The following SLC35F2 variants were observed in gnomAD, a reference collection of about 807,000 sequenced individuals.
The protein encoded by SLC35F2 is solute carrier family 35 member F2.
A neutral mutation model predicts 38.1 loss-of-function variants in SLC35F2; 25 were observed. The observed-to-expected ratio is 0.66, with a 90% CI of 0.48 to 0.92. SLC35F2 has a LOEUF of 0.92. SLC35F2 is among the 40% of genes least tolerant of loss of function. SLC35F2 has a pLI of 0.00. For missense variants in SLC35F2, 409 were observed against 452.9 expected, an observed-to-expected ratio of 0.90 and a Z score of 0.88; for synonymous variants, 173 against 181.7, an observed-to-expected ratio of 0.95 and a Z score of 0.38.
At chr11:107,801,126 C>A (rs147109855) in intron 7 of SLC35F2, among the ~76,000 whole-genome samples, 5 of 152,080 alleles carry the variant, frequency 3.3e-5, no homozygotes. Flanking sequence ...TGGCTGGTCT[C>A]GAACCCTTGA....
intron 7 of SLC35F2, among the ~76,000 whole-genome samples, chr11:107,794,489 A>G (rs577669868): frequency 6.6e-6 from 1 of 152,336 alleles, no homozygotes; most frequent in African/African-American, 2.4e-5. Flanking sequence ...ACTAATGTGT[A>G]ATCAAATACC....
At chr11:107,815,466 T>G (rs144761877) in intron 2 of SLC35F2, among the ~76,000 whole-genome samples, 6,425 of 150,648 alleles carry the variant, frequency 0.043, 226 homozygotes, top group African/African-American at 0.096. Flanking sequence ...GCTGAGGTAA[T>G]TGGATCACTT....
intron 4 of SLC35F2, chr11:107,805,790 C>T: frequency 5.0e-6 from 2 of 397,122 alleles, no homozygotes; most frequent in Non-Finnish European, 6.8e-6. Flanking sequence ...GATTCTCCTG[C>T]CTCAGCCTCC....
chr11:107,834,320 A>G (rs1306799495), intron 1 of SLC35F2, among the ~76,000 whole-genome samples: 1 of 152,220 alleles, frequency 6.6e-6, no homozygotes, highest in East Asian at 1.9e-4. Context: ...ATTACAAAAT[A>G]AATTCCAAAT....
At chr11:107,806,953 G>T in intron 3 of SLC35F2, 77 bp from the exon 4 acceptor site, 1 of 1,345,748 alleles carries the variant, frequency 7.4e-7, no homozygotes, top group Non-Finnish European at 1.0e-6. Flanking sequence ...AATAATAGGA[G>T]TCAGTATTTA....
chr11:107,853,221 C>CTA (rs895706659), intron 1 of SLC35F2, among the ~76,000 whole-genome samples: 26 of 152,296 alleles, frequency 1.7e-4, no homozygotes, highest in Non-Finnish European at 2.4e-4. Flanking sequence ...CTCCCTAACC[C>CTA]TATCTCACCC....
intron 1 of SLC35F2, among the ~76,000 whole-genome samples, chr11:107,821,080 A>G (rs1022014295): frequency 7.9e-5 from 12 of 152,100 alleles, no homozygotes; most frequent in African/African-American, 2.9e-4. Flanking sequence ...ATCATGGGGG[A>G]GTTGGATGTC....
intron 1 of SLC35F2, among the ~76,000 whole-genome samples, chr11:107,854,573 C>T (rs1860248350): frequency 6.6e-6 from 1 of 152,160 alleles, no homozygotes; most frequent in South Asian, 2.1e-4. Flanking sequence ...ACACACTCCA[C>T]TAAGGAATAT....
intron 1 of SLC35F2, among the ~76,000 whole-genome samples, chr11:107,853,495 G>T (rs1231023044): frequency 6.6e-6 from 1 of 151,796 alleles, no homozygotes; most frequent in Non-Finnish European, 1.5e-5. Context: ...GAGGCGGGAG[G>T]ATCATGAGGT....
At chr11:107,805,733 A>T in intron 4 of SLC35F2, 1 of 912,944 alleles carries the variant, frequency 1.1e-6, no homozygotes, top group Non-Finnish European at 1.3e-6. Context: ...GCTGGAGTGC[A>T]GTGGCGCAAT....
At chr11:107,849,941 C>T (rs1860151976) in intron 1 of SLC35F2, among the ~76,000 whole-genome samples, 1 of 152,142 alleles carries the variant, frequency 6.6e-6, no homozygotes, top group South Asian at 2.1e-4. Context: ...TTAACAACTC[C>T]CTCCAGTGTT....
In SLC35F2 at chr11:107,815,817, A is replaced by ATT; in HGVS notation, c.258_259insAA (p.Tyr87AsnfsTer4). ...GATCGAAATGCCAGCATCACTGTAT[A>ATT]AATTAGGAACAGCAAGCAATAATTG... On this transcript the variant is annotated frameshift_variant, in exon 2 of 8. Coordinates refer to ENST00000525815, the MANE Select transcript of SLC35F2 (RefSeq NM_017515.5). LOFTEE classifies it high-confidence loss of function. The ATT allele has an allele frequency of 6.2e-7, 1 of 1,613,156 alleles. No individual in the cohort carries two copies. Among genetic ancestry groups the ATT allele is most frequent in the Non-Finnish European group, 8.5e-7 (1 of 1,179,754 alleles).
At chr11:107,855,942 G>A (rs1860271860) in intron 1 of SLC35F2, among the ~76,000 whole-genome samples, 2 of 150,756 alleles carry the variant, frequency 1.3e-5, no homozygotes, top group Non-Finnish European at 3.0e-5. Flanking sequence ...GTGAAATCCT[G>A]TCTGTATTAA....
At chr11:107,794,920 T>A (rs1591182499) in intron 7 of SLC35F2, among the ~76,000 whole-genome samples, 2 of 152,206 alleles carry the variant, frequency 1.3e-5, no homozygotes, top group Admixed American at 1.3e-4. Flanking sequence ...ATGAACTAGC[T>A]GAGATAGAAA....
At chr11:107,835,420 T>G (rs1859915362) in intron 1 of SLC35F2, among the ~76,000 whole-genome samples, 1 of 145,112 alleles carries the variant, frequency 6.9e-6, no homozygotes, top group Non-Finnish European at 1.5e-5. Context: ...GCAGCTTCAA[T>G]AGCCCACAGT....
At chr11:107,842,214 C>T (rs1476708969) in intron 1 of SLC35F2, among the ~76,000 whole-genome samples, 1 of 124,168 alleles carries the variant, frequency 8.1e-6, no homozygotes, top group Non-Finnish European at 1.6e-5. Flanking sequence ...CAAGATTGCG[C>T]CACTACACTC....
chr11:107,821,524 GAC>G, intron 1 of SLC35F2: 3 of 985,346 alleles, frequency 3.0e-6, no homozygotes, highest in Non-Finnish European at 3.6e-6. Flanking sequence ...CAAACTTATA[GAC>G]ACTGAAGGCC....
At chr11:107,796,160 A>G (rs1859214062) in intron 7 of SLC35F2, among the ~76,000 whole-genome samples, 2 of 152,144 alleles carry the variant, frequency 1.3e-5, no homozygotes, top group African/African-American at 4.8e-5. Flanking sequence ...GAACTCTTAA[A>G]TACTGCTGGT....
rs904894952 is a variant in SLC35F2, at chr11:107,805,469, G to T, written c.621C>A (p.Ser207=). 3.7e-6 allele frequency: 6 copies of T among 1,613,996 alleles called. No individual in the cohort carries two copies. The East Asian group carries it at 1.3e-4, about 36-fold the overall frequency. The part of the protein sequence containing the change: ...IGDILVLLGA[S]LYAISNVCEE... Reference sequence around the variant, plus strand: ...CACAAACATTTGAAATGGCATAGAGGGAAGCCCCAAGAAGGACCAAGATGT... The same window carrying T: ...CACAAACATTTGAAATGGCATAGAGTGAAGCCCCAAGAAGGACCAAGATGT... Residue 207 remains serine (S), a synonymous_variant, in exon 5 of 8, where the codon TCC becomes TCA. Coordinates refer to ENST00000525815, the MANE Select transcript of SLC35F2 (RefSeq NM_017515.5).
Sources: gnomAD v4.1 joint callset for allele counts (sites outside exome capture counted in the v4.1 genomes callset) on GRCh38, gnomAD v4.1.1 for gene constraint, MANE v1.5 for transcripts, NCBI Gene and HGNC (gene_info 2026-07-23, HGNC 2026-07-21) for gene names.